Variants in NR2F2 observed in about 807,000 individuals in gnomAD.
The protein encoded by NR2F2 is nuclear receptor subfamily 2 group F member 2.
In NR2F2, 2 loss-of-function variants were observed where a neutral mutation model predicts 34.8. The ratio of observed to expected loss-of-function variants is 0.06; its 90% CI spans 0.02 to 0.18. NR2F2 has a LOEUF of 0.18. NR2F2 is among the 10% of genes least tolerant of loss of function. The pLI is 1.00. For synonymous variants in NR2F2, 274 were observed against 251.8 expected (o/e 1.09, Z -0.84); for missense variants, 300 against 580.1 (o/e 0.52, Z 4.96).
Position 96,338,522 on chromosome 15 carries a change from A to G in NR2F2, c.*900A>G, listed in dbSNP as rs1899401330. Reference sequence around the variant, plus strand: ...TTATGAAAATCCTATATCTGTTTGTATATTTGCAAACCCTTTGTATTATAA... The same window carrying G: ...TTATGAAAATCCTATATCTGTTTGTGTATTTGCAAACCCTTTGTATTATAA... On this transcript the variant is annotated 3_prime_UTR_variant, in exon 3 of 3. Coordinates refer to ENST00000394166, the MANE Select transcript of NR2F2 (RefSeq NM_021005.4). 1 of 152,602 alleles carries G rather than the reference A, an allele frequency of 6.6e-6. No individual in the cohort carries two copies. Among genetic ancestry groups the G allele is most frequent in the South Asian group, 2.1e-4 (1 of 4,830 alleles). The allele number at this position is 152,602 out of a possible 1,614,324, so 9.5% of individuals were successfully genotyped here. A position where few individuals can be genotyped will look rare whatever the true frequency, so the allele number is the denominator to read the frequency against.
At position 96,332,234 on chromosome 15, in the gene NR2F2, C is replaced by A. The variant is rs551936462; in HGVS notation, c.129C>A (p.Pro43=). 6.5e-7 allele frequency: 1 copy of A among 1,534,486 alleles called. No individual in the cohort carries two copies. Among genetic ancestry groups the A allele is most frequent in the Admixed American group, 2.0e-5 (1 of 50,506 alleles). The change falls in exon 1 of 3, where the codon CCC becomes CCA. Residue 43 remains proline, a synonymous_variant. Transcript: ENST00000394166. ...GCGCCCCGCACACGCCACAGACGCCCGGCCAAGGGGGCCCAGCCAGCACGC... is the reference window on the plus strand; with the variant it reads ...GCGCCCCGCACACGCCACAGACGCCAGGCCAAGGGGGCCCAGCCAGCACGC... ...PPGAPHTPQT[P]GQGGPASTPA...
Position 96,331,264 on chromosome 15 carries a change from C to G in NR2F2, c.-842C>G. Reference sequence around the variant, plus strand: ...CGGCGGCCGGAGAGAGCGAGGCGCGCGCCGGACGCCCGGGGCAGGCGGCGG... The same window carrying G: ...CGGCGGCCGGAGAGAGCGAGGCGCGGGCCGGACGCCCGGGGCAGGCGGCGG... On this transcript the variant is annotated 5_prime_UTR_variant, in exon 1 of 3. Coordinates refer to ENST00000394166, the MANE Select transcript of NR2F2 (RefSeq NM_021005.4). 2.0e-6 allele frequency: 2 copies of G among 995,694 alleles called. No individual in the cohort carries two copies. Among genetic ancestry groups the G allele is most frequent in the Non-Finnish European group, 2.4e-6 (2 of 838,430 alleles). The allele number at this position is 995,694 out of a possible 1,614,324, so 61.7% of individuals were successfully genotyped here. A position where few individuals can be genotyped will look rare whatever the true frequency, so the allele number is the denominator to read the frequency against.
At position 96,331,256 on chromosome 15, in the gene NR2F2, G is replaced by A; in HGVS notation, c.-850G>A. On this transcript the variant is annotated 5_prime_UTR_variant, in exon 1 of 3. Coordinates refer to ENST00000394166, the MANE Select transcript of NR2F2 (RefSeq NM_021005.4). ...GCGGGCGGCGGCGGCCGGAGAGAGC[G>A]AGGCGCGCGCCGGACGCCCGGGGCA... 3 of 991,596 alleles carry A rather than the reference G, an allele frequency of 3.0e-6. No homozygotes were observed. Among genetic ancestry groups the A allele is most frequent in the South Asian group, 4.5e-5 (1 of 22,146 alleles). 61.4% of individuals were successfully genotyped at this position (991,596 alleles called of 1,614,324 possible). A position where few individuals can be genotyped will look rare whatever the true frequency, so the allele number is the denominator to read the frequency against.
At chr15:96,333,732 A>G (rs1357577631) in intron 1 of NR2F2, 1 of 1,266,132 alleles carries the variant, frequency 7.9e-7, no homozygotes, top group Non-Finnish European at 1.0e-6. Context: ...AAGAAATATC[A>G]GCTGTTTAGC....
At chr15:96,335,144 T>C (rs1899285943) in intron 2 of NR2F2, among the ~76,000 whole-genome samples, 1 of 152,216 alleles carries the variant, frequency 6.6e-6, no homozygotes, top group Non-Finnish European at 1.5e-5. Flanking sequence ...TAATGCAGAC[T>C]GCCAGGAGAG....
In NR2F2 at chr15:96,332,277, G is replaced by A. The variant is rs775842693; in HGVS notation, c.172G>A (p.Gly58Ser). ...PASTPAQTAA[G>S]GQGGPGGPGS... ...CAGCACGCCAGCCCAGACGGCGGCCGGTGGCCAGGGCGGCCCTGGCGGCCC... is the reference window on the plus strand; with the variant it reads ...CAGCACGCCAGCCCAGACGGCGGCCAGTGGCCAGGGCGGCCCTGGCGGCCC... The change falls in exon 1 of 3, where the codon GGT becomes AGT. Residue 58 changes from glycine to serine, a missense_variant. By Grantham distance (56) the Gly-to-Ser change is moderately conservative. This residue lies in a region of NR2F2 where 105 missense variants were observed against 107.8 expected (regional missense o/e 0.97). Transcript: ENST00000394166. 8 of 1,555,868 alleles carry A rather than the reference G, an allele frequency of 5.1e-6. No individual in the cohort carries two copies. Among genetic ancestry groups the A allele is most frequent in the Non-Finnish European group, 8.7e-7 (1 of 1,151,482 alleles).
Position 96,337,702 on chromosome 15 carries a change from A to C in NR2F2, c.*80A>C. 1 of 1,418,212 alleles carries C rather than the reference A, an allele frequency of 7.1e-7. No individual in the cohort carries two copies. The highest frequency in any genetic ancestry group is 9.6e-7 in the Non-Finnish European group (1 of 1,043,464). The allele number at this position is 1,418,212 out of a possible 1,614,324, so 87.9% of individuals were successfully genotyped here. A position where few individuals can be genotyped will look rare whatever the true frequency, so the allele number is the denominator to read the frequency against. ...TTTGTTTGCTTAATTTCCTTCTGTT[A>C]AGAAAGGATATAAAAGGATGTTACA... On this transcript the variant is annotated 3_prime_UTR_variant, in exon 3 of 3. Transcript: ENST00000394166.
intron 1 of NR2F2, chr15:96,333,245 C>A: frequency 2.8e-6 from 2 of 724,738 alleles, no homozygotes; most frequent in Non-Finnish European, 3.5e-6. Context: ...GCGAGCCGTG[C>A]TTTGCCAATG....
intron 2 of NR2F2, among the ~76,000 whole-genome samples, chr15:96,336,968 A>G (rs1361558224): frequency 6.6e-6 from 1 of 152,084 alleles, no homozygotes; most frequent in East Asian, 1.9e-4. Flanking sequence ...AGGAGGGGAG[A>G]GAGTGCTGGT....
chr15:96,337,433 G>A lies in NR2F2; in HGVS notation c.1056G>A (p.Gln352=), dbSNP rs575233890. 1 of 1,614,154 alleles carries A rather than the reference G, an allele frequency of 6.2e-7. No individual in the cohort carries two copies. The highest frequency in any genetic ancestry group is 8.5e-7 in the Non-Finnish European group (1 of 1,180,050). ...CTTTGGAAGAATACGTTAGGAGCCAGTACCCCAACCAGCCGACGAGATTCG... is the reference window on the plus strand; with the variant it reads ...CTTTGGAAGAATACGTTAGGAGCCAATACCCCAACCAGCCGACGAGATTCG... The part of the protein sequence containing the change: ...QCALEEYVRS[Q]YPNQPTRFGK... Residue 352 remains glutamine (Q), a synonymous_variant, in exon 3 of 3, where the codon CAG becomes CAA. Transcript: ENST00000394166.
At chr15:96,333,369 G>A (rs532236132) in intron 1 of NR2F2, 12 of 1,001,758 alleles carry the variant, frequency 1.2e-5, no homozygotes, top group Non-Finnish European at 1.3e-5. Context: ...GCCTGGGCCC[G>A]AGCCTCGCCG....
Position 96,330,892 on chromosome 15 carries a change from C to G in NR2F2, c.-1214C>G, listed in dbSNP as rs954264402. On this transcript the variant is annotated 5_prime_UTR_variant, in exon 1 of 3. Transcript: ENST00000394166. The stretch of plus-strand genomic sequence containing the variant: ...CTCCTTTCTCCGGGTGCCGTACTGC[C>G]TTTTTTCCCCTCTTTCATTCTTTCT... 3 of 1,150,736 alleles carry G rather than the reference C, an allele frequency of 2.6e-6. No individual in the cohort carries two copies. The African/African-American group carries it at 4.9e-5, about 19-fold the overall frequency. The allele number at this position is 1,150,736 out of a possible 1,614,324, so 71.3% of individuals were successfully genotyped here.
chr15:96,331,465 C>T lies in NR2F2; in HGVS notation c.-641C>T. 2 of 1,231,256 alleles carry T rather than the reference C, an allele frequency of 1.6e-6. No individual in the cohort carries two copies. Among genetic ancestry groups the T allele is most frequent in the East Asian group, 3.2e-5 (1 of 31,680 alleles). The allele number at this position is 1,231,256 out of a possible 1,614,324, so 76.3% of individuals were successfully genotyped here. On this transcript the variant is annotated 5_prime_UTR_variant, in exon 1 of 3. Transcript: ENST00000394166. ...CCGGCGCCTCCGATCTCCTAGTCCT[C>T]CTGATTTCGATGGCTTTCCTGAATG... is the stretch of plus-strand genomic sequence containing the variant.
rs1899454299 is a variant in NR2F2 at position 96,339,959 on chromosome 15, T to C, written c.*2337T>C. On this transcript the variant is annotated 3_prime_UTR_variant, in exon 3 of 3. Transcript: ENST00000394166. The stretch of plus-strand genomic sequence containing the variant: ...GATCCAGTCAATACATGCAGACCAG[T>C]AAAATCTGATTTGTGCAGAGTTCTC... 6.6e-6 allele frequency: 1 copy of C among 152,172 alleles called. No homozygotes were observed. The highest frequency in any genetic ancestry group is 1.5e-5 in the Non-Finnish European group (1 of 68,034). 9.4% of individuals were successfully genotyped at this position (152,172 alleles called of 1,614,324 possible). A position where few individuals can be genotyped will look rare whatever the true frequency, so the allele number is the denominator to read the frequency against.
At chr15:96,326,608 C>T (rs936698118), upstream of NR2F2, among the ~76,000 whole-genome samples, 3 of 151,748 alleles carry the variant, frequency 2.0e-5, no homozygotes, top group African/African-American at 4.8e-5. This position sits in a 1 kb window ranked among gnomAD's most constrained non-coding sequence, Gnocchi z 5.5. Flanking sequence ...TGCAAAGCTG[C>T]CAAAATATGA....
chr15:96,335,875 A>T (rs541340103), intron 2 of NR2F2, among the ~76,000 whole-genome samples: 1 of 152,310 alleles, frequency 6.6e-6, no homozygotes, highest in Middle Eastern at 3.4e-3. Flanking sequence ...GCCACCCCAA[A>T]TTCTGCCTTT....
At chr15:96,334,898 T>G (rs1021615858) in intron 2 of NR2F2, among the ~76,000 whole-genome samples, 1 of 152,256 alleles carries the variant, frequency 6.6e-6, no homozygotes, top group Non-Finnish European at 1.5e-5. Context: ...GGATGCCCTC[T>G]CCTGCTCCCT....
At chr15:96,333,273 C>T (rs1899207856) in intron 1 of NR2F2, 7 of 914,384 alleles carry the variant, frequency 7.7e-6, no homozygotes, top group Non-Finnish European at 9.3e-6. Context: ...CGGCGCGGGG[C>T]GCGGGCTCCG....
intron 1 of NR2F2, among the ~76,000 whole-genome samples, chr15:96,332,941 C>CCCAA (rs1899194044): frequency 3.4e-5 from 2 of 58,040 alleles, no homozygotes; most frequent in Non-Finnish European, 7.0e-5. Flanking sequence ...CCCACCCTCT[C>CCCAA]AAAAAAAAAA....
Sources: allele counts gnomAD v4.1 joint callset (sites outside exome capture counted in the v4.1 genomes callset), GRCh38; gene constraint gnomAD v4.1.1; regional missense constraint gnomAD v4.1.1; non-coding constraint Gnocchi (gnomAD v3.1); transcripts MANE v1.5; gene names NCBI Gene and HGNC (gene_info 2026-07-23, HGNC 2026-07-21).